Variants in UROC1 observed in about 807,000 individuals in gnomAD.
The protein encoded by UROC1 is urocanate hydratase 1, also known as urocanate hydratase.
Under a neutral mutation model 89.5 loss-of-function variants are expected in UROC1, and 79 were observed. The ratio of observed to expected loss-of-function variants is 0.88; its 90% confidence interval spans 0.74 to 1.06. The LOEUF (loss-of-function observed/expected upper bound fraction) is 1.06. Ranked by LOEUF, UROC1 falls within the 50% of genes least tolerant of loss-of-function variation. The pLI is 0.00. For missense variants in UROC1, 885 were observed against 907.8 expected (o/e 0.97, Z 0.32); for synonymous variants, 361 against 354.8 (o/e 1.02, Z -0.20).
intron 10 of UROC1, 136 bp downstream of exon 10, chr3:126,501,082 G>A (rs1935909075): frequency 8.4e-7 from 1 of 1,191,998 alleles, no homozygotes; most frequent in South Asian, 1.2e-5. Context: ...GGGTAAGGGT[G>A]TGGGCCAACA....
rs1374083972 is a variant in UROC1, at chr3:126,496,107, C to T, written c.1440G>A (p.Val480=). ...SVLEEAIADG[V]KVSVKLQYMD... is the part of the protein sequence containing the mutation. ...TGTACTGCAGCTTCACAGACACCTTCACTGCAGGAGAGAGGACAGCAGGCG... is the reference window on the plus strand; with the variant it reads ...TGTACTGCAGCTTCACAGACACCTTTACTGCAGGAGAGAGGACAGCAGGCG... The change falls in exon 15 of 20, where the codon GTG becomes GTA. Residue 480 remains valine (V), a splice_region_variant and synonymous_variant. Transcript: ENST00000290868. 2 of 1,612,850 alleles carry T rather than the reference C, an allele frequency of 1.2e-6. No individual in the cohort carries two copies. Among genetic ancestry groups the T allele is most frequent in the Non-Finnish European group, 1.7e-6 (2 of 1,179,792 alleles).
At chr3:126,505,293 G>A (rs902238126) in intron 8 of UROC1, among the ~76,000 whole-genome samples, 1 of 152,168 alleles carries the variant, frequency 6.6e-6, no homozygotes, top group Non-Finnish European at 1.5e-5. Context: ...CACCTCTATG[G>A]AGGGTGACCT....
intron 17 of UROC1, among the ~76,000 whole-genome samples, chr3:126,488,762 G>C (rs775317603): frequency 2.6e-5 from 4 of 152,200 alleles, no homozygotes; most frequent in Non-Finnish European, 5.9e-5. Context: ...GCCCAAGCCG[G>C]TCACCTTATA....
Position 126,483,487 on chromosome 3 carries a change from T to A in UROC1, c.1791-19A>T, listed in dbSNP as rs371425541. 1.4e-5 allele frequency: 23 copies of A among 1,610,110 alleles called. No individual in the cohort carries two copies. The African/African-American group carries it at 2.1e-4, about 15-fold the overall frequency. ...CTCACCCCTGCAGGAGGCAGAGGAG[T>A]TTCCAGTTCATTCCTGGGGCCCAAC... On this transcript the variant is annotated intron_variant, in intron 18 of 19. Transcript: ENST00000290868.
At chr3:126,516,878 G>A (rs769889983) in intron 1 of UROC1, among the ~76,000 whole-genome samples, 1 of 151,312 alleles carries the variant, frequency 6.6e-6, no homozygotes, top group Non-Finnish European at 1.5e-5. Flanking sequence ...TAATCTTTAT[G>A]CTTGTTTGCA....
At chr3:126,500,935 C>T in intron 10 of UROC1, 61 bp from the exon 11 acceptor site, 2 of 1,597,554 alleles carry the variant, frequency 1.3e-6, no homozygotes, top group Non-Finnish European at 1.7e-6. Flanking sequence ...GAGTCTGGGG[C>T]CAGCCAGGTG....
At chr3:126,508,361 G>A in intron 4 of UROC1, 55 bp downstream of exon 4, 1 of 1,563,688 alleles carries the variant, frequency 6.4e-7, no homozygotes, top group East Asian at 2.2e-5. Flanking sequence ...TAGGCCAGAG[G>A]ACCAGACTAG....
intron 1 of UROC1, among the ~76,000 whole-genome samples, chr3:126,514,462 G>A (rs1936257464): frequency 6.6e-6 from 1 of 152,180 alleles, no homozygotes; most frequent in African/African-American, 2.4e-5. Flanking sequence ...TCGGGCGCAT[G>A]CTGAGAGTGT....
rs371166500 is a variant in UROC1 at position 126,494,915 on chromosome 3, C to T, written c.1509+1123G>A. On this transcript the variant is annotated intron_variant, in intron 15 of 19. Transcript: ENST00000290868. ...GTTAGCTCAGCCTCACAACACACCC[C>T]CTGTACAAGCAGGGCCACAGGGGCC... Among the ~76,000 whole-genome samples, 80 of 152,258 alleles carry T rather than the reference C, an allele frequency of 5.3e-4. 2 individuals are homozygous for T. The East Asian group carries it at 0.01, about 20-fold the overall frequency.
Position 126,483,464 on chromosome 3 carries a change from C to T in UROC1, c.1795G>A (p.Glu599Lys), listed in dbSNP as rs757809401. 17 of 1,613,738 alleles carry T rather than the reference C, an allele frequency of 1.1e-5. No homozygotes were observed. The highest frequency in any genetic ancestry group is 1.4e-5 in the Non-Finnish European group (17 of 1,180,034). Residue 599 changes from glutamate (E) to lysine (K), a missense_variant, in exon 19 of 20, where the codon GAG becomes AAG. Glu to Lys is a moderately conservative substitution (Grantham distance 56, BLOSUM62 1). Transcript: ENST00000290868. ...LHNGGGVGWG[E>K]VINGGFGLVL... ...AGGCCGAATCCCCCGTTGATCACCT[C>T]ACCCCTGCAGGAGGCAGAGGAGTTT...
At chr3:126,508,607 A>G (rs1282601948) in intron 3 of UROC1, 132 bp from the exon 4 acceptor site, 1 of 702,828 alleles carries the variant, frequency 1.4e-6, no homozygotes, top group Non-Finnish European at 2.5e-6. Flanking sequence ...GGTGAGGCCC[A>G]GGGACGGACA....
chr3:126,503,910 C>A, intron 9 of UROC1, 85 bp downstream of exon 9: 2 of 1,508,194 alleles, frequency 1.3e-6, no homozygotes, highest in Non-Finnish European at 1.8e-6. Flanking sequence ...AGGCCCACAC[C>A]AAGCTGCCCC....
At chr3:126,501,754 C>T in intron 9 of UROC1, 1 of 1,587,454 alleles carries the variant, frequency 6.3e-7, no homozygotes, top group Non-Finnish European at 8.5e-7. Flanking sequence ...CAGCAATGCA[C>T]AGGGAAGGTG....
In UROC1 at chr3:126,482,482, C is replaced by G. The variant is rs759415563; in HGVS notation, c.1894G>C (p.Ala632Pro). The G allele has an allele frequency of 2.2e-5, 35 of 1,613,804 alleles. No homozygotes were observed. The highest frequency in any genetic ancestry group is 2.8e-5 in the Non-Finnish European group (33 of 1,180,010). ...MLSWDVSNGV[A>P]RRCWSGNQKA... ...TGGTTCCCTGACCAGCAGCGCCGGG[C>G]CACCTAGGGCAAGGAGGGGGATAGC... Residue 632 changes from alanine to proline, a missense_variant, in exon 20 of 20, where the codon GCC (alanine) becomes CCC (proline). Ala to Pro is a conservative substitution (Grantham distance 27). Coordinates refer to ENST00000290868, the MANE Select transcript of UROC1 (RefSeq NM_144639.3).
Position 126,517,638 on chromosome 3 carries a change from G to C in UROC1, c.82C>G (p.His28Asp). The C allele has an allele frequency of 1.9e-6, 3 of 1,611,650 alleles. No homozygotes were observed. Among genetic ancestry groups the C allele is most frequent in the Non-Finnish European group, 2.5e-6 (3 of 1,179,500 alleles). ...ENRGRQAGVP[H>D]APVRTPSLSP... ...AGGCTGGGGGTCCTGACAGGGGCAT[G>C]GGGCACCCCAGCCTGGCGTCCCCGG... is the stretch of plus-strand genomic sequence containing the variant. Residue 28 changes from histidine to aspartate, a missense_variant, in exon 1 of 20, where the codon CAT (histidine) becomes GAT (aspartate). Physicochemically the swap from His to Asp is moderately conservative, Grantham distance 81. Transcript: ENST00000290868.
chr3:126,511,256 T>C (rs1936190287), intron 1 of UROC1, among the ~76,000 whole-genome samples: 1 of 152,208 alleles, frequency 6.6e-6, no homozygotes, highest in Non-Finnish European at 1.5e-5. Context: ...ATGAACTCTT[T>C]TGATCGTGAG....
At position 126,500,822 on chromosome 3, in the gene UROC1, C is replaced by G. The variant is rs1185508692; in HGVS notation, c.1018G>C (p.Gly340Arg). Residue 340 changes from glycine (G) to arginine (R), a missense_variant, in exon 11 of 20, where the codon GGG (glycine) becomes CGG (arginine). Physicochemically the swap from Gly to Arg is moderately radical, Grantham distance 125. Transcript: ENST00000290868. ...DTTGECLVDL[G>R]SDQTSCHNPF... The stretch of plus-strand genomic sequence containing the variant: ...TTGTGGCAGGATGTCTGATCTGACC[C>G]CAGGTCCACCAAGCACTCCCCCGTC... 7.4e-6 allele frequency: 12 copies of G among 1,613,990 alleles called. No homozygotes were observed. Among genetic ancestry groups the G allele is most frequent in the Non-Finnish European group, 1.0e-5 (12 of 1,180,028 alleles).
At chr3:126,500,560 G>A in intron 11 of UROC1, 135 bp downstream of exon 11, 2 of 1,068,038 alleles carry the variant, frequency 1.9e-6, no homozygotes, top group Middle Eastern at 2.2e-4. Context: ...GATGGGTGGA[G>A]GCAGAGGCTC....
intron 14 of UROC1, among the ~76,000 whole-genome samples, 159 bp from the exon 15 acceptor site, chr3:126,496,267 C>T (rs1203885491): frequency 7.0e-6 from 1 of 142,286 alleles, no homozygotes; most frequent in Non-Finnish European, 1.5e-5. Context: ...CCTTTGTGAA[C>T]TTGGGGACCA....
Sources: allele counts gnomAD v4.1 joint callset (sites outside exome capture counted in the v4.1 genomes callset), GRCh38; gene constraint gnomAD v4.1.1; transcripts MANE v1.5; gene names NCBI Gene and HGNC (gene_info 2026-07-23, HGNC 2026-07-21).